Variants in BEND2 observed in about 807,000 individuals in gnomAD.
BEND2 encodes BEN domain containing 2, also known as BEN domain-containing protein 2.
A neutral mutation model predicts 43.8 loss-of-function variants in BEND2; 19 were observed. That is an observed-to-expected ratio of 0.43 (90% CI 0.30 to 0.64). The LOEUF (loss-of-function observed/expected upper bound fraction) is 0.64. Among genes scored for constraint, BEND2 ranks in the 30% least tolerant of loss-of-function variants. The pLI, the probability that BEND2 is intolerant of heterozygous loss-of-function variation, is 0.11. For missense variants in BEND2, 544 were observed against 574.0 expected (o/e 0.95, Z 0.53); for synonymous variants, 226 against 210.1 (o/e 1.08, Z -0.66).
chrX:18,187,441 T>C (rs1370048282), intron 8 of BEND2, among the ~76,000 whole-genome samples: 1 of 111,905 alleles, frequency 8.9e-6, no homozygotes, highest in Non-Finnish European at 1.9e-5. Context: ...AGCAAAAGGA[T>C]ATAACAATTG....
chrX:18,179,179 G>GTTTTT (rs1164362773), intron 9 of BEND2, among the ~76,000 whole-genome samples: 54 of 58,321 alleles, frequency 9.3e-4, no homozygotes, highest in African/African-American at 1.1e-3. Context: ...TTTTGTTTCT[G>GTTTTT]TTTTTTTTTT....
At chrX:18,195,535 AG>A in intron 6 of BEND2, 93 bp from the exon 7 acceptor site, 1 of 893,715 alleles carries the variant, frequency 1.1e-6, no homozygotes, top group Admixed American at 3.5e-5. Flanking sequence ...CTCGAACGAA[AG>A]AAAACTAAAA....
At chrX:18,211,783 A>G (rs1306281934) in intron 4 of BEND2, among the ~76,000 whole-genome samples, 2 of 109,558 alleles carry the variant, frequency 1.8e-5, no homozygotes, top group Admixed American at 9.8e-5. Context: ...ACTCCATCTC[A>G]GAAAAAAAAA....
Position 18,216,650 on chromosome X carries a change from T to C in BEND2, c.109A>G (p.Asn37Asp). Reference sequence around the variant, plus strand: ...TCATCTGCTATGTCATTAGTGGAATTATCTGCTGTTTCAGAAACTTCCACC... The same window carrying C: ...TCATCTGCTATGTCATTAGTGGAATCATCTGCTGTTTCAGAAACTTCCACC... ...EMVEVSETAD[N>D]STNDIADDST... The change falls in exon 2 of 14, where the codon AAT (asparagine) becomes GAT (aspartate). Residue 37 changes from asparagine to aspartate, a missense_variant. Asn to Asp is a conservative substitution (Grantham distance 23). Coordinates refer to ENST00000380033, the MANE Select transcript of BEND2 (RefSeq NM_153346.5). 1 of 1,209,702 alleles carries C rather than the reference T, an allele frequency of 8.3e-7. No individual in the cohort carries two copies. The highest frequency in any genetic ancestry group is 1.7e-5 in the African/African-American group (1 of 57,785).
chrX:18,171,090 G>C lies in BEND2; in HGVS notation c.2096C>G (p.Thr699Arg). 8.3e-7 allele frequency: 1 copy of C among 1,211,956 alleles called. No individual in the cohort carries two copies. The highest frequency in any genetic ancestry group is 1.1e-6 in the Non-Finnish European group (1 of 895,344). ...GTTACTTTGGACCAGGACATCTTTT[G>C]TGAAGAGTTTCTGAATAAGGTATCT... is the stretch of plus-strand genomic sequence containing the variant. ...SARYLIQKLF[T>R]KDVLVQSNVY... The change falls in exon 13 of 14, where the codon ACA (threonine) becomes AGA (arginine). Residue 699 changes from threonine (T) to arginine (R), a missense_variant. Around this residue, in one of 2 missense-constraint regions of BEND2, gnomAD observed 501 missense variants for 501.6 expected, o/e 1.00. Transcript: ENST00000380033.
At chrX:18,180,770 A>T in intron 8 of BEND2, 120 bp from the exon 9 acceptor site, 2 of 496,693 alleles carry the variant, frequency 4.0e-6, no homozygotes. Flanking sequence ...CAGCAGACCT[A>T]CTCTTTTTTT....
intron 6 of BEND2, among the ~76,000 whole-genome samples, chrX:18,196,063 C>T (rs544198196): frequency 9.0e-6 from 1 of 111,260 alleles, no homozygotes; most frequent in Non-Finnish European, 1.9e-5. Context: ...CTTTGGGAGG[C>T]CGAGGTGGGC....
chrX:18,208,603 C>T (rs1925414405), intron 4 of BEND2, among the ~76,000 whole-genome samples: 3 of 111,121 alleles, frequency 2.7e-5, no homozygotes, highest in African/African-American at 9.8e-5. Context: ...TGTTTCTCCC[C>T]TATGTTCCAG....
intron 7 of BEND2, among the ~76,000 whole-genome samples, chrX:18,193,175 C>T (rs187118779): frequency 3.7e-5 from 4 of 108,122 alleles, no homozygotes; most frequent in Non-Finnish European, 5.8e-5. Flanking sequence ...AAAATTAGCT[C>T]GGCGTGGTGT....
chrX:18,164,721 A>T lies in BEND2; in HGVS notation c.*288T>A. Reference sequence around the variant, plus strand: ...CTCTACCTTATCAAAAAAACAAAGTATATTAATGTCAATTATCTAAGTCAA... The same window carrying T: ...CTCTACCTTATCAAAAAAACAAAGTTTATTAATGTCAATTATCTAAGTCAA... On this transcript the variant is annotated 3_prime_UTR_variant, in exon 14 of 14. Transcript: ENST00000380033. 1 of 233,675 alleles carries T rather than the reference A, an allele frequency of 4.3e-6. No homozygotes were observed. The highest frequency in any genetic ancestry group is 7.6e-6 in the Non-Finnish European group (1 of 131,766). 19.3% of individuals were successfully genotyped at this position (233,675 alleles called of 1,213,427 possible).
rs142534682 is a variant in BEND2, at chrX:18,205,218, C to T, written c.493-1303G>A. 1.4e-4 allele frequency among the ~76,000 whole-genome samples: 16 copies of T among 110,788 alleles called. No individual in the cohort carries two copies. In the East Asian group the frequency reaches 3.1e-3, roughly 22 times the overall value. On this transcript the variant is annotated intron_variant, in intron 4 of 13. Coordinates refer to ENST00000380033, the MANE Select transcript of BEND2 (RefSeq NM_153346.5). ...ATTCATTCAACTAAACCTTTATTGA[C>T]GGCCTTCCACCTGGCAGAACTACTT...
chrX:18,176,901 T>C (rs755094143), intron 10 of BEND2, among the ~76,000 whole-genome samples: 3 of 109,689 alleles, frequency 2.7e-5, no homozygotes, highest in Non-Finnish European at 5.7e-5. Flanking sequence ...ACTGAAGGAG[T>C]CCTTCAGAAT....
At chrX:18,178,262 G>A (rs1275177491) in intron 9 of BEND2, among the ~76,000 whole-genome samples, 1 of 111,510 alleles carries the variant, frequency 9.0e-6, no homozygotes, top group Non-Finnish European at 1.9e-5. Flanking sequence ...CTGTATATCA[G>A]GCATGTGCTA....
At position 18,191,026 on chromosome X, in the gene BEND2, T is replaced by C. The variant is rs765462700; in HGVS notation, c.1263A>G (p.Ala421=). ...KNNCDQDDAS[A]SACLTPDFAL... The stretch of plus-strand genomic sequence containing the variant: ...CAAAATCGGGAGTGAGGCAGGCAGA[T>C]GCTGAAGCATCATCTTGGTCACAGT... Residue 421 remains alanine (A), a synonymous_variant, in exon 8 of 14, where the codon GCA becomes GCG. Transcript: ENST00000380033. The C allele has an allele frequency of 1.7e-6, 2 of 1,210,524 alleles. No individual in the cohort carries two copies. The highest frequency in any genetic ancestry group is 2.2e-6 in the Non-Finnish European group (2 of 894,935).
intron 8 of BEND2, among the ~76,000 whole-genome samples, chrX:18,186,743 T>C (rs1156339724): frequency 9.1e-6 from 1 of 109,322 alleles, no homozygotes. Context: ...GGAGGATCAC[T>C]TGAGCCTAGG....
intron 5 of BEND2, 108 bp from the exon 6 acceptor site, chrX:18,202,048 C>G: frequency 1.3e-6 from 1 of 787,689 alleles, no homozygotes; most frequent in Non-Finnish European, 1.8e-6. Flanking sequence ...CATTCACACA[C>G]AAAGGAAAAC....
intron 1 of BEND2, among the ~76,000 whole-genome samples, chrX:18,219,979 T>C (rs1200376443): frequency 9.0e-6 from 1 of 111,243 alleles, no homozygotes; most frequent in East Asian, 2.8e-4. Flanking sequence ...TCTGTGAAAG[T>C]CTGAGTCATT....
chrX:18,170,380 C>T (rs907557445), intron 13 of BEND2, among the ~76,000 whole-genome samples: 6 of 111,713 alleles, frequency 5.4e-5, no homozygotes, highest in African/African-American at 2.0e-4. Flanking sequence ...AGCTGAAAAC[C>T]AGGTTTCTTT....
intron 9 of BEND2, among the ~76,000 whole-genome samples, chrX:18,179,454 G>A (rs745860897): frequency 6.3e-5 from 7 of 110,545 alleles, no homozygotes; most frequent in East Asian, 5.7e-4. Context: ...CTGAGCCACC[G>A]TGCCCAGCCG....
Sources: allele counts gnomAD v4.1 joint callset (sites outside exome capture counted in the v4.1 genomes callset), GRCh38; gene constraint gnomAD v4.1.1; regional missense constraint gnomAD v4.1.1; transcripts MANE v1.5; gene names NCBI Gene and HGNC (gene_info 2026-07-23, HGNC 2026-07-21).